The following GSTO2 variants were observed in gnomAD, a reference collection of about 807,000 sequenced individuals.
GSTO2 encodes the protein glutathione S-transferase omega-2.
Under a neutral mutation model 28.4 loss-of-function variants are expected in GSTO2, and 23 were observed. The observed-to-expected ratio is 0.81, with a 90% CI of 0.58 to 1.15. The LOEUF (loss-of-function observed/expected upper bound fraction) is 1.15, where lower values mean the gene tolerates loss of function less well. Ranked by LOEUF, GSTO2 falls within the 50% of genes most tolerant of loss-of-function variation. The pLI, the probability that GSTO2 is intolerant of heterozygous loss-of-function variation, is 0.00. For synonymous variants in GSTO2, 109 were observed against 111.0 expected, an observed-to-expected ratio of 0.98 and a Z score of 0.11; for missense variants, 298 against 297.8, an observed-to-expected ratio of 1.00 and a Z score of 0.00.
intron 5 of GSTO2, among the ~76,000 whole-genome samples, chr10:104,293,044 A>T (rs2012850790): frequency 6.6e-6 from 1 of 152,236 alleles, no homozygotes; most frequent in Non-Finnish European, 1.5e-5. Context: ...TTGCCTGAAG[A>T]TCTGCTCATC....
Position 104,302,434 on chromosome 10 carries a change from G to A in GSTO2, c.*3150G>A, listed in dbSNP as rs1444314350. Reference sequence around the variant, plus strand: ...GTTGTGTGGAGTTCCCCTCCTTGGAGGTTCTGAGCTACAGCCTAGCCTGGA... The same window carrying A: ...GTTGTGTGGAGTTCCCCTCCTTGGAAGTTCTGAGCTACAGCCTAGCCTGGA... On this transcript the variant is annotated 3_prime_UTR_variant, in exon 7 of 7. Transcript: ENST00000338595. The A allele has an allele frequency of 6.6e-6, 1 of 152,372 alleles. No homozygotes were observed. The highest frequency in any genetic ancestry group is 2.4e-5 in the African/African-American group (1 of 41,440). The allele number at this position is 152,372 out of a possible 1,614,324, so 9.4% of individuals were successfully genotyped here.
At chr10:104,279,018 C>T (rs1048104629) in intron 4 of GSTO2, among the ~76,000 whole-genome samples, 1 of 152,092 alleles carries the variant, frequency 6.6e-6, no homozygotes, top group Non-Finnish European at 1.5e-5. Context: ...ATCCAACTGC[C>T]CTTTGAAGTG....
At chr10:104,275,842 C>T (rs1053240358) in intron 3 of GSTO2, among the ~76,000 whole-genome samples, 3 of 152,204 alleles carry the variant, frequency 2.0e-5, no homozygotes, top group Admixed American at 6.5e-5. Context: ...GAGAGCCTGT[C>T]ACATAGTGGA....
At chr10:104,277,650 T>C (rs1428535952) in intron 3 of GSTO2, among the ~76,000 whole-genome samples, 2 of 152,124 alleles carry the variant, frequency 1.3e-5, no homozygotes, top group South Asian at 2.1e-4. Flanking sequence ...TCTTCTTTCC[T>C]ATGAGGTGAG....
intron 5 of GSTO2, among the ~76,000 whole-genome samples, chr10:104,286,851 AG>A (rs1352861957): frequency 1.3e-5 from 2 of 152,162 alleles, no homozygotes; most frequent in Non-Finnish European, 2.9e-5. Flanking sequence ...CCAATTATAA[AG>A]TAATACTTGT....
chr10:104,280,948 G>A (rs2012001972), intron 5 of GSTO2, among the ~76,000 whole-genome samples: 1 of 152,214 alleles, frequency 6.6e-6, no homozygotes, highest in Non-Finnish European at 1.5e-5. Context: ...TTGTCCTGAG[G>A]TCACCAACTG....
intron 4 of GSTO2, among the ~76,000 whole-genome samples, chr10:104,278,689 C>G (rs1159800954): frequency 6.6e-6 from 1 of 152,138 alleles, no homozygotes. Context: ...CCATATTGGC[C>G]AGGCTGGTCT....
In GSTO2 at chr10:104,300,550, T is replaced by G. The variant is rs545433695; in HGVS notation, c.*1266T>G. 4.6e-5 allele frequency: 7 copies of G among 152,342 alleles called. No individual in the cohort carries two copies. Among genetic ancestry groups the G allele is most frequent in the African/African-American group, 1.7e-4 (7 of 41,454 alleles). 9.4% of individuals were successfully genotyped at this position (152,342 alleles called of 1,614,324 possible). On this transcript the variant is annotated 3_prime_UTR_variant, in exon 7 of 7. Transcript: ENST00000338595. ...CCCCTCTGCCAGCTTCGCCAGGCAG[T>G]ACCACCCCACTGAAGACAGCAAAGA...
At position 104,284,917 on chromosome 10, in the gene GSTO2, G is replaced by A. The variant is rs55923763; in HGVS notation, c.468+5446G>A. ...CTGACTATTGCTTGGTCCTTTCTTCGTCATCATCAGAGCTCCATAAAAGAG... is the reference window on the plus strand; with the variant it reads ...CTGACTATTGCTTGGTCCTTTCTTCATCATCATCAGAGCTCCATAAAAGAG... On this transcript the variant is annotated intron_variant, in intron 5 of 6. Transcript: ENST00000338595. Among the ~76,000 whole-genome samples the A allele has an allele frequency of 3.3e-5, 5 of 152,114 alleles. No homozygotes were observed. In the East Asian group the frequency reaches 7.7e-4, roughly 23 times the overall value.
At chr10:104,297,905 C>T (rs75688316) in intron 6 of GSTO2, among the ~76,000 whole-genome samples, 5,741 of 152,208 alleles carry the variant, frequency 0.038, 390 homozygotes, top group African/African-American at 0.13. Flanking sequence ...AGACCCCTAG[C>T]CCAGGAGCCT....
rs1411870110 is a variant in GSTO2 at position 104,274,873 on chromosome 10, G to A, written c.-43G>A. The A allele has an allele frequency of 3.1e-6, 5 of 1,594,702 alleles. No individual in the cohort carries two copies. On this transcript the variant is annotated 5_prime_UTR_variant, in exon 2 of 7. Transcript: ENST00000338595. ...CGGCAGCGGTGGCGAGCCACAGGGC[G>A]GCGACCGTGAGCTCCGGGAGCTGCG...
intron 3 of GSTO2, among the ~76,000 whole-genome samples, chr10:104,275,560 C>T (rs921646307): frequency 6.6e-6 from 1 of 152,138 alleles, no homozygotes; most frequent in African/African-American, 2.4e-5. Context: ...TCTAGCCCAG[C>T]GCAGAGTAAT....
intron 6 of GSTO2, among the ~76,000 whole-genome samples, chr10:104,298,724 A>T (rs940556368): frequency 8.5e-5 from 13 of 152,258 alleles, no homozygotes; most frequent in African/African-American, 3.1e-4. Flanking sequence ...TTATTTTTTT[A>T]TATCTCCTAA....
At chr10:104,276,257 C>T (rs934162415) in intron 3 of GSTO2, among the ~76,000 whole-genome samples, 3 of 152,150 alleles carry the variant, frequency 2.0e-5, no homozygotes, top group Non-Finnish European at 1.5e-5. Flanking sequence ...CCTGTATTTC[C>T]ACATTCTTCC....
chr10:104,297,531 C>A, intron 5 of GSTO2, 47 bp from the exon 6 acceptor site: 1 of 1,200,768 alleles, frequency 8.3e-7, no homozygotes, highest in Non-Finnish European at 1.2e-6. Flanking sequence ...ATAAACATGT[C>A]AGCAGATATA....
intron 1 of GSTO2, among the ~76,000 whole-genome samples, chr10:104,273,067 T>G (rs17116784): frequency 0.074 from 11,272 of 152,268 alleles, 1,393 homozygotes; most frequent in African/African-American, 0.26. Flanking sequence ...TGAAATCTGC[T>G]TTTTTTATAT....
chr10:104,276,725 G>A (rs1204502168), intron 3 of GSTO2, among the ~76,000 whole-genome samples: 1 of 152,138 alleles, frequency 6.6e-6, no homozygotes, highest in South Asian at 2.1e-4. Context: ...TCCCACCCTG[G>A]CCTCTCAAAG....
intron 1 of GSTO2, among the ~76,000 whole-genome samples, chr10:104,272,872 A>G (rs1352046951): frequency 6.6e-6 from 1 of 151,726 alleles, no homozygotes; most frequent in Non-Finnish European, 1.5e-5. Context: ...TCGGCCTCCC[A>G]AAGTGCTGGG....
rs1464260789 is a variant in GSTO2 at position 104,274,696 on chromosome 10, G to A, written c.-220G>A. 6.8e-6 allele frequency: 4 copies of A among 589,064 alleles called. No individual in the cohort carries two copies. The highest frequency in any genetic ancestry group is 1.2e-5 in the Non-Finnish European group (4 of 337,522). 36.5% of individuals were successfully genotyped at this position (589,064 alleles called of 1,614,324 possible). A position where few individuals can be genotyped will look rare whatever the true frequency, so the allele number is the denominator to read the frequency against. ...TTGTTTTTTGCCAGCTCCTACTCTC[G>A]GGCTTCCAAATCTGGGGCGATGTCT... On this transcript the variant is annotated 5_prime_UTR_variant, in exon 2 of 7. Transcript: ENST00000338595.
Sources: gnomAD v4.1 joint callset for allele counts (sites outside exome capture counted in the v4.1 genomes callset) on GRCh38, gnomAD v4.1.1 for gene constraint, MANE v1.5 for transcripts, NCBI Gene and HGNC (gene_info 2026-07-23, HGNC 2026-07-21) for gene names.